Variants in SCNN1B observed in about 807,000 individuals in gnomAD.
The protein encoded by SCNN1B is epithelial sodium channel subunit beta.
A neutral mutation model predicts 65.3 loss-of-function variants in SCNN1B; 46 were observed. That is an observed-to-expected ratio of 0.70 (90% CI 0.56 to 0.90). SCNN1B has a LOEUF of 0.90. Ranked by LOEUF, SCNN1B falls within the 40% of genes least tolerant of loss-of-function variation. The pLI, the probability that SCNN1B is intolerant of heterozygous loss-of-function variation, is 0.00. For synonymous variants in SCNN1B, 349 were observed against 330.6 expected (o/e 1.06, Z -0.60); for missense variants, 751 against 830.5 (o/e 0.90, Z 1.18).
At chr16:23,324,287 C>A (rs1961648487) in intron 1 of SCNN1B, among the ~76,000 whole-genome samples, 1 of 151,746 alleles carries the variant, frequency 6.6e-6, no homozygotes, top group South Asian at 2.1e-4. Context: ...TCCTGGGATC[C>A]AGCGAACCTC....
At chr16:23,288,566 G>A (rs1195641919) in intron 2 of SCNN1B, among the ~76,000 whole-genome samples, 1 of 152,144 alleles carries the variant, frequency 6.6e-6, no homozygotes, top group Non-Finnish European at 1.5e-5. Context: ...CACTTTGGGA[G>A]GCCAAGGTGG....
At chr16:23,351,012 T>G (rs148778158) in intron 2 of SCNN1B, among the ~76,000 whole-genome samples, 2 of 152,040 alleles carry the variant, frequency 1.3e-5, no homozygotes, top group Non-Finnish European at 2.9e-5. Flanking sequence ...AGGCCGAGGC[T>G]TAAGGATCAC....
intron 1 of SCNN1B, among the ~76,000 whole-genome samples, chr16:23,302,717 G>C (rs1220982252): frequency 1.3e-5 from 2 of 152,174 alleles, no homozygotes; most frequent in Admixed American, 6.5e-5. Flanking sequence ...CAGAGACGGC[G>C]GCAAAGTCCT....
At chr16:23,291,910 A>G (rs926847199) in intron 2 of SCNN1B, among the ~76,000 whole-genome samples, 1 of 151,906 alleles carries the variant, frequency 6.6e-6, no homozygotes, top group African/African-American at 2.4e-5. Context: ...AAATAAATAT[A>G]TATACCCATT....
At chr16:23,329,823 T>G (rs1961773460) in intron 1 of SCNN1B, among the ~76,000 whole-genome samples, 1 of 152,076 alleles carries the variant, frequency 6.6e-6, no homozygotes, top group African/African-American at 2.4e-5. Flanking sequence ...CTTTTGAAAA[T>G]ATGCCAGCCT....
rs772164903 is a variant in SCNN1B at position 23,353,000 on chromosome 16, C to G, written c.511C>G (p.His171Asp). 17 of 1,614,022 alleles carry G rather than the reference C, an allele frequency of 1.1e-5. No homozygotes were observed. Among genetic ancestry groups the G allele is most frequent in the Non-Finnish European group, 1.4e-5 (17 of 1,180,024 alleles). Residue 171 changes from histidine to aspartate, a missense_variant, in exon 3 of 13, where the codon CAC (histidine) becomes GAC (aspartate). Physicochemically the swap from His to Asp is moderately conservative, Grantham distance 81. Coordinates refer to ENST00000343070, the MANE Select transcript of SCNN1B (RefSeq NM_000336.3). ...GGTCCTTGATCTCTTTGGAGACAAC[C>G]ACAATGGCTTAACAAGCAGCTCAGC... ...PMVLDLFGDN[H>D]NGLTSSSASE... is the part of the protein sequence containing the mutation.
At chr16:23,343,513 G>GAA (rs1962102769) in intron 1 of SCNN1B, among the ~76,000 whole-genome samples, 7 of 97,516 alleles carry the variant, frequency 7.2e-5, no homozygotes, top group East Asian at 3.4e-4. Flanking sequence ...GAAGGAAAAG[G>GAA]AAGGAAGGAA....
chr16:23,298,874 T>C (rs1961033998), upstream of SCNN1B, among the ~76,000 whole-genome samples: 2 of 151,970 alleles, frequency 1.3e-5, no homozygotes, highest in Admixed American at 6.6e-5. Flanking sequence ...TCTCCAACAA[T>C]GGAAATCATG....
chr16:23,380,205 C>T lies in SCNN1B; in HGVS notation c.1542+36C>T. On this transcript the variant is annotated intron_variant, in intron 12 of 12. Coordinates refer to ENST00000343070, the MANE Select transcript of SCNN1B (RefSeq NM_000336.3). This position sits in a 1 kb window ranked among gnomAD's most constrained non-coding sequence, Gnocchi z 5.4. ...GAGTCTCCCAATACCCCAGCCCTGC[C>T]CTGCCCTGACCCCTGCACCCTGAGG... The T allele has an allele frequency of 1.3e-6, 2 of 1,571,470 alleles. No individual in the cohort carries two copies. Among genetic ancestry groups the T allele is most frequent in the South Asian group, 1.1e-5 (1 of 90,208 alleles).
intron 1 of SCNN1B, among the ~76,000 whole-genome samples, chr16:23,316,736 G>C (rs1223444742): frequency 9.4e-6 from 1 of 106,924 alleles, no homozygotes; most frequent in East Asian, 3.0e-4. Context: ...CATCTCCTCT[G>C]TCATCACTGT....
At chr16:23,353,247 C>G in intron 3 of SCNN1B, 173 bp downstream of exon 3, 1 of 721,124 alleles carries the variant, frequency 1.4e-6, no homozygotes, top group Non-Finnish European at 2.3e-6. Flanking sequence ...GCATGTTAGT[C>G]AAGACTCCTT....
intron 1 of SCNN1B, among the ~76,000 whole-genome samples, chr16:23,344,698 A>C (rs1409695118): frequency 6.6e-6 from 1 of 152,172 alleles, no homozygotes; most frequent in Non-Finnish European, 1.5e-5. Context: ...TTCCTATCAG[A>C]GAATGGAGTT....
At chr16:23,360,374 C>CA (rs562379935) in intron 4 of SCNN1B, among the ~76,000 whole-genome samples, 5 of 151,846 alleles carry the variant, frequency 3.3e-5, no homozygotes, top group South Asian at 2.1e-4. Context: ...CCCATCTCTA[C>CA]AAAAAACAAT....
intron 2 of SCNN1B, among the ~76,000 whole-genome samples, chr16:23,349,728 C>T (rs963168760): frequency 6.6e-6 from 1 of 152,154 alleles, no homozygotes; most frequent in Admixed American, 6.6e-5. Context: ...GTCCTCTTCA[C>T]AGCCTGCCAG....
chr16:23,331,550 C>G (rs138688984), intron 1 of SCNN1B, among the ~76,000 whole-genome samples: 14 of 151,928 alleles, frequency 9.2e-5, no homozygotes, highest in African/African-American at 2.9e-4. Context: ...GAACTCTTGA[C>G]CTCAGGTGAT....
At chr16:23,371,577 T>G (rs1962785541) in intron 6 of SCNN1B, 115 bp downstream of exon 6, 7 of 1,206,726 alleles carry the variant, frequency 5.8e-6, no homozygotes, top group Non-Finnish European at 8.3e-6. Flanking sequence ...GCCCTGGCCT[T>G]CCTTCCTTTT....
chr16:23,293,518 G>A (rs2141971604), intron 2 of SCNN1B, among the ~76,000 whole-genome samples: 1 of 152,330 alleles, frequency 6.6e-6, no homozygotes, highest in South Asian at 2.1e-4. Flanking sequence ...GGGAATTATT[G>A]TTGAATGGGT....
chr16:23,301,448 G>GA (rs774688919), upstream of SCNN1B, among the ~76,000 whole-genome samples: 1 of 151,676 alleles, frequency 6.6e-6, no homozygotes, highest in Non-Finnish European at 1.5e-5. Context: ...GAAAGAGAAA[G>GA]AAAGAAAAGA....
chr16:23,346,103 C>T (rs76107910), intron 1 of SCNN1B, among the ~76,000 whole-genome samples: 3,077 of 151,772 alleles, frequency 0.02, 46 homozygotes, highest in Non-Finnish European at 0.03. Flanking sequence ...AAAACTCTGG[C>T]ATTCCTCATC....
Sources: gnomAD v4.1 joint callset for allele counts (sites outside exome capture counted in the v4.1 genomes callset) on GRCh38, gnomAD v4.1.1 for gene constraint, Gnocchi (gnomAD v3.1) non-coding constraint, MANE v1.5 for transcripts, NCBI Gene and HGNC (gene_info 2026-07-23, HGNC 2026-07-21) for gene names.